ADAM19: variants seen among roughly 807,000 people sequenced by gnomAD.
The protein encoded by ADAM19 is disintegrin and metalloproteinase domain-containing protein 19.
ADAM19 carries 65 observed loss-of-function variants against 114.7 expected under a neutral mutation model. The ratio of observed to expected loss-of-function variants is 0.57; its 90% CI spans 0.46 to 0.70. The LOEUF is 0.70. Among genes scored for constraint, ADAM19 ranks in the 30% least tolerant of loss-of-function variants. The pLI is 0.00. For synonymous variants in ADAM19, 466 were observed against 460.5 expected, an observed-to-expected ratio of 1.01 and a Z score of -0.15; for missense variants, 1,063 against 1,204.7, an observed-to-expected ratio of 0.88 and a Z score of 1.74.
At chr5:157,523,695 C>T (rs10476072) in intron 5 of ADAM19, among the ~76,000 whole-genome samples, 112 of 152,276 alleles carry the variant, frequency 7.4e-4, no homozygotes, top group African/African-American at 2.6e-3. Flanking sequence ...CCAAAATAAA[C>T]CTCTTTTCTT....
intron 21 of ADAM19, 126 bp from the exon 22 acceptor site, chr5:157,482,069 A>G: frequency 1.3e-6 from 1 of 752,380 alleles, no homozygotes; most frequent in Non-Finnish European, 2.1e-6. Context: ...ATTTAGAAAG[A>G]AACTGTATGT....
intron 19 of ADAM19, 119 bp downstream of exon 19, chr5:157,490,191 C>T: frequency 8.8e-7 from 1 of 1,140,806 alleles, no homozygotes; most frequent in African/African-American, 1.5e-5. Context: ...CAGCATGTAT[C>T]TTGCACTTGT....
intron 3 of ADAM19, among the ~76,000 whole-genome samples, chr5:157,555,804 G>T (rs1757351744): frequency 6.6e-6 from 1 of 152,164 alleles, no homozygotes; most frequent in Non-Finnish European, 1.5e-5. Flanking sequence ...AAATCAAGGG[G>T]TCAGCAGGGC....
At chr5:157,531,503 C>G (rs1756623059) in intron 4 of ADAM19, among the ~76,000 whole-genome samples, 1 of 151,932 alleles carries the variant, frequency 6.6e-6, no homozygotes. Flanking sequence ...CCTGTCTCTA[C>G]TAAAAATACA....
chr5:157,538,665 C>T (rs1376959612), intron 3 of ADAM19, among the ~76,000 whole-genome samples: 1 of 152,196 alleles, frequency 6.6e-6, no homozygotes, highest in Admixed American at 6.5e-5. Flanking sequence ...CAATAAATTC[C>T]TTTTTTTCTT....
At chr5:157,492,808 C>T (rs1454695291) in intron 16 of ADAM19, among the ~76,000 whole-genome samples, 165 bp downstream of exon 16, 1 of 152,180 alleles carries the variant, frequency 6.6e-6, no homozygotes, top group African/African-American at 2.4e-5. Flanking sequence ...CGACAGTTCT[C>T]TGGGGTGGGT....
At chr5:157,518,962 A>G in intron 6 of ADAM19, 74 bp from the exon 7 acceptor site, 1 of 1,256,722 alleles carries the variant, frequency 8.0e-7, no homozygotes, top group Non-Finnish European at 1.2e-6. Flanking sequence ...GCTAAGAAAC[A>G]GAGCTGCTGG....
At chr5:157,567,402 A>G (rs916629088) in intron 2 of ADAM19, among the ~76,000 whole-genome samples, 2 of 152,196 alleles carry the variant, frequency 1.3e-5, no homozygotes, top group Admixed American at 6.5e-5. Context: ...GCCAACACCT[A>G]TTCTGGTTGC....
intron 21 of ADAM19, among the ~76,000 whole-genome samples, chr5:157,487,998 T>C (rs1392530879): frequency 6.6e-6 from 1 of 151,932 alleles, no homozygotes; most frequent in Non-Finnish European, 1.5e-5. Context: ...CTGACAGAAG[T>C]TAATATGGGG....
intron 5 of ADAM19, 77 bp downstream of exon 5, chr5:157,530,730 C>A: frequency 7.7e-7 from 1 of 1,305,346 alleles, no homozygotes; most frequent in Non-Finnish European, 1.1e-6. Flanking sequence ...AAGGTCCTTG[C>A]CTCAGCCTTG....
chr5:157,530,840 G>A lies in ADAM19; in HGVS notation c.374C>T (p.Ser125Phe). The A allele has an allele frequency of 6.2e-7, 1 of 1,614,158 alleles. No homozygotes were observed. ...TCGGCAAGTGCTGAGCGTGACGCTG[G>A]ACAGTTCTGTCTCCCTCACCGTGCC... Reference protein sequence around the residue: ...YHGTVRETELSSVTLSTCRGI... With the variant: ...YHGTVRETELFSVTLSTCRGI... The change falls in exon 5 of 23, where the codon TCC becomes TTC. Residue 125 changes from serine to phenylalanine, a missense_variant. Around this residue, in one of 3 missense-constraint regions of ADAM19, gnomAD observed 615 missense variants for 706.3 expected, o/e 0.87. Transcript: ENST00000257527.
At chr5:157,538,095 T>C in intron 3 of ADAM19, 104 bp from the exon 4 acceptor site, 1 of 849,154 alleles carries the variant, frequency 1.2e-6, no homozygotes, top group Non-Finnish European at 1.8e-6. Context: ...ATCCCAAGCA[T>C]CTCCATACAA....
intron 7 of ADAM19, among the ~76,000 whole-genome samples, chr5:157,518,622 G>A (rs1306203799): frequency 6.6e-6 from 1 of 152,234 alleles, no homozygotes; most frequent in African/African-American, 2.4e-5. Flanking sequence ...GACCTCAGGT[G>A]ATCCACCCGC....
chr5:157,537,825 A>C (rs2113763567), intron 4 of ADAM19, 88 bp downstream of exon 4: 1 of 1,226,360 alleles, frequency 8.2e-7, no homozygotes, highest in South Asian at 1.3e-5. Flanking sequence ...CAGAGGAGAG[A>C]CCAACTCCAT....
At chr5:157,562,924 T>C (rs1757548966) in intron 3 of ADAM19, among the ~76,000 whole-genome samples, 1 of 152,002 alleles carries the variant, frequency 6.6e-6, no homozygotes, top group Non-Finnish European at 1.5e-5. Flanking sequence ...CAGAGGGAGC[T>C]GAAGGGCCAC....
Position 157,575,598 on chromosome 5 carries a change from C to G in ADAM19, c.94+5G>C. The G allele has an allele frequency of 6.8e-7, 1 of 1,464,044 alleles. No individual in the cohort carries two copies. The highest frequency in any genetic ancestry group is 1.3e-5 in the South Asian group (1 of 76,652). The allele number at this position is 1,464,044 out of a possible 1,614,324, so 90.7% of individuals were successfully genotyped here. On this transcript the variant is annotated splice_donor_5th_base_variant and intron_variant, in intron 1 of 22. Transcript: ENST00000257527. ...GCCTCCATCCCCCCGCGCCTGGCCA[C>G]TTACTTGTCCATCCAGGCTCCCGCG...
intron 3 of ADAM19, among the ~76,000 whole-genome samples, chr5:157,563,184 G>A (rs1377996996): frequency 6.6e-6 from 1 of 152,052 alleles, no homozygotes; most frequent in Non-Finnish European, 1.5e-5. Context: ...AGGGACACAG[G>A]AGAGAAGAAA....
chr5:157,490,195 C>A, intron 19 of ADAM19, 115 bp downstream of exon 19: 1 of 1,186,800 alleles, frequency 8.4e-7, no homozygotes. Context: ...ATGTATCTTG[C>A]ACTTGTCTTC....
At chr5:157,481,717 T>G in intron 22 of ADAM19, 74 bp downstream of exon 22, 1 of 1,551,880 alleles carries the variant, frequency 6.4e-7, no homozygotes, top group Non-Finnish European at 8.7e-7. Context: ...TTGCTTTGTT[T>G]TCTCAACTCT....
Sources: allele counts gnomAD v4.1 joint callset (sites outside exome capture counted in the v4.1 genomes callset), GRCh38; gene constraint gnomAD v4.1.1; regional missense constraint gnomAD v4.1.1; transcripts MANE v1.5; gene names NCBI Gene and HGNC (gene_info 2026-07-23, HGNC 2026-07-21).